The following UBE2D2 variants were observed in gnomAD, a reference collection of about 807,000 sequenced individuals.
UBE2D2 encodes the protein ubiquitin conjugating enzyme E2 D2, also known as ubiquitin-conjugating enzyme E2 D2.
Under a neutral mutation model 24.2 loss-of-function variants are expected in UBE2D2, and 2 were observed. That is an observed-to-expected ratio of 0.08 (90% CI 0.03 to 0.26). The LOEUF (loss-of-function observed/expected upper bound fraction) is 0.26, where lower values mean the gene tolerates loss of function less well. UBE2D2 is among the 10% of genes least tolerant of loss of function. UBE2D2 has a pLI of 1.00. For synonymous variants in UBE2D2, 58 were observed against 56.5 expected (o/e 1.03, Z -0.12); for missense variants, 44 against 177.6 (o/e 0.25, Z 4.28).
At chr5:139,566,513 A>G (rs1224810373) in intron 1 of UBE2D2, among the ~76,000 whole-genome samples, 1 of 151,994 alleles carries the variant, frequency 6.6e-6, no homozygotes, top group Non-Finnish European at 1.5e-5. Flanking sequence ...GTCTTTACAA[A>G]AAATACAAAA....
intron 1 of UBE2D2, among the ~76,000 whole-genome samples, chr5:139,547,576 C>G (rs898416407): frequency 1.1e-4 from 17 of 151,794 alleles, no homozygotes; most frequent in Non-Finnish European, 2.4e-4. Context: ...GTGACATGAT[C>G]TCGGCTCACT....
At chr5:139,532,132 A>G (rs1020291622) in intron 1 of UBE2D2, among the ~76,000 whole-genome samples, 2 of 151,272 alleles carry the variant, frequency 1.3e-5, no homozygotes, top group Admixed American at 6.6e-5. Context: ...CAGTTTGCAT[A>G]TCCTTTGACA....
intron 1 of UBE2D2, among the ~76,000 whole-genome samples, chr5:139,567,865 A>T (rs1753268146): frequency 6.6e-6 from 1 of 152,136 alleles, no homozygotes; most frequent in African/African-American, 2.4e-5. Context: ...GTCTTGGGAA[A>T]ACCAGTTTTG....
intron 1 of UBE2D2, among the ~76,000 whole-genome samples, chr5:139,542,628 A>T (rs1164969688): frequency 6.6e-6 from 1 of 151,808 alleles, no homozygotes; most frequent in Non-Finnish European, 1.5e-5. Context: ...GCATGGCATG[A>T]CATAGTTTTG....
At chr5:139,568,575 G>A (rs887226174) in intron 1 of UBE2D2, among the ~76,000 whole-genome samples, 2 of 151,944 alleles carry the variant, frequency 1.3e-5, no homozygotes, top group Non-Finnish European at 2.9e-5. Context: ...GGAGAATGGC[G>A]TGAACCGGGA....
chr5:139,568,933 G>T (rs1321522602), intron 1 of UBE2D2, among the ~76,000 whole-genome samples: 1 of 152,066 alleles, frequency 6.6e-6, no homozygotes, highest in Non-Finnish European at 1.5e-5. Context: ...TCGCACCACT[G>T]CAGTCCAGCT....
intron 2 of UBE2D2, chr5:139,612,022 A>G (rs139912730): frequency 4.0e-4 from 61 of 154,038 alleles, no homozygotes; most frequent in African/African-American, 1.5e-3. Flanking sequence ...TCTCCATGTA[A>G]TTGGCATGCT....
rs150230208 is a variant in UBE2D2 at position 139,626,125 on chromosome 5, G to A, written c.399-631G>A. 5.8e-3 allele frequency among the ~76,000 whole-genome samples: 874 copies of A among 151,848 alleles called. 13 individuals carry two copies. The highest frequency in any genetic ancestry group is 0.018 in the African/African-American group (751 of 41,380). ...ACTCTGTCACCCAGGCTATGGTACA[G>A]TATTGCAATCTCAGCTCACTGCAAC... is the stretch of plus-strand genomic sequence containing the variant. On this transcript the variant is annotated intron_variant, in intron 6 of 6. Transcript: ENST00000398733.
intron 1 of UBE2D2, chr5:139,562,439 G>A: frequency 7.7e-7 from 1 of 1,291,856 alleles, no homozygotes. Context: ...GAAGTAGAGG[G>A]AGAATCATTT....
chr5:139,601,822 A>G (rs544401911), intron 2 of UBE2D2, among the ~76,000 whole-genome samples: 1 of 150,408 alleles, frequency 6.6e-6, no homozygotes, highest in South Asian at 2.1e-4. Flanking sequence ...GAGGCAGACA[A>G]CTGCTTGAAT....
intron 2 of UBE2D2, among the ~76,000 whole-genome samples, chr5:139,608,534 C>T (rs535688509): frequency 6.6e-6 from 1 of 150,502 alleles, no homozygotes; most frequent in Non-Finnish European, 1.5e-5. Context: ...GCAGGCAGAT[C>T]GCTTGAGCCC....
At chr5:139,616,114 A>G (rs1010857894) in intron 5 of UBE2D2, among the ~76,000 whole-genome samples, 4 of 148,228 alleles carry the variant, frequency 2.7e-5, no homozygotes, top group East Asian at 2.1e-4. Context: ...GATTACAGGC[A>G]TGAGCCACCG....
intron 1 of UBE2D2, among the ~76,000 whole-genome samples, chr5:139,568,787 A>G (rs1753294642): frequency 6.6e-6 from 1 of 152,144 alleles, no homozygotes; most frequent in Non-Finnish European, 1.5e-5. Context: ...CCTAGTCAAG[A>G]TGGTGAAACC....
At chr5:139,565,906 A>G (rs1172125093) in intron 1 of UBE2D2, among the ~76,000 whole-genome samples, 1 of 152,214 alleles carries the variant, frequency 6.6e-6, no homozygotes, top group Non-Finnish European at 1.5e-5. Flanking sequence ...TAACAGTAAT[A>G]GTGCATTGTA....
intron 1 of UBE2D2, among the ~76,000 whole-genome samples, chr5:139,579,509 G>A (rs1753549255): frequency 6.6e-6 from 1 of 151,704 alleles, no homozygotes; most frequent in Non-Finnish European, 1.5e-5. Flanking sequence ...GCTGGTTTGG[G>A]AACTCCTGAC....
At chr5:139,585,030 A>G (rs969400724) in intron 1 of UBE2D2, among the ~76,000 whole-genome samples, 1 of 150,150 alleles carries the variant, frequency 6.7e-6, no homozygotes, top group Non-Finnish European at 1.5e-5. Flanking sequence ...CCTCCCATGT[A>G]GCTGGGATTA....
chr5:139,560,664 A>AT (rs977942733), upstream of UBE2D2, among the ~76,000 whole-genome samples: 10 of 152,060 alleles, frequency 6.6e-5, no homozygotes, highest in Non-Finnish European at 1.2e-4. Context: ...ACACACTGTG[A>AT]TTTTTTTTCT....
At chr5:139,555,416 AAAATAATTTGAAAATTATTTGG>A (rs1452562732) in intron 1 of UBE2D2, among the ~76,000 whole-genome samples, 12 of 151,796 alleles carry the variant, frequency 7.9e-5, no homozygotes, top group East Asian at 7.8e-4. Flanking sequence ...AAATTATTTG[AAAATAATTTGAAAATTATTTGG>A]AAATAATTTG....
intron 5 of UBE2D2, among the ~76,000 whole-genome samples, chr5:139,622,498 C>T (rs1754530748): frequency 6.6e-6 from 1 of 151,336 alleles, no homozygotes; most frequent in Admixed American, 6.6e-5. Context: ...CCCCCTCCGC[C>T]TCCCAAAGTG....
Sources: gnomAD v4.1 joint callset for allele counts (sites outside exome capture counted in the v4.1 genomes callset) on GRCh38, gnomAD v4.1.1 for gene constraint, MANE v1.5 for transcripts, NCBI Gene and HGNC (gene_info 2026-07-23, HGNC 2026-07-21) for gene names.